The following KCNIP4 variants were observed in gnomAD, a reference collection of about 807,000 sequenced individuals.
KCNIP4 encodes potassium voltage-gated channel interacting protein 4, also known as Kv channel-interacting protein 4.
KCNIP4 carries 12 observed loss-of-function variants against 34.0 expected under a neutral mutation model. That is an observed-to-expected ratio of 0.35 (90% CI 0.23 to 0.57). The LOEUF (loss-of-function observed/expected upper bound fraction) is 0.57, where lower values mean the gene tolerates loss of function less well. KCNIP4 is among the 20% of genes least tolerant of loss of function. The pLI is 0.83. For missense variants in KCNIP4, 238 were observed against 311.7 expected (o/e 0.76, Z 1.78); for synonymous variants, 124 against 102.2 (o/e 1.21, Z -1.29).
At chr4:21,088,419 G>A (rs930737968) in intron 1 of KCNIP4, among the ~76,000 whole-genome samples, 8 of 151,906 alleles carry the variant, frequency 5.3e-5, no homozygotes, top group African/African-American at 1.2e-4. Flanking sequence ...ACAGGGATCC[G>A]TACGTTCATT....
chr4:21,554,480 T>A (rs563490783), intron 1 of KCNIP4, among the ~76,000 whole-genome samples: 25 of 152,184 alleles, frequency 1.6e-4, no homozygotes, highest in Non-Finnish European at 2.4e-4. Context: ...AGTGGTATTA[T>A]AATATCCTCG....
chr4:21,440,947 T>G (rs1169421490), intron 1 of KCNIP4, among the ~76,000 whole-genome samples: 1 of 152,132 alleles, frequency 6.6e-6, no homozygotes, highest in Non-Finnish European at 1.5e-5. Context: ...TTCCAAGACC[T>G]TGAAGGCTGT....
chr4:21,496,703 G>C (rs1732878347), intron 1 of KCNIP4, among the ~76,000 whole-genome samples: 1 of 152,202 alleles, frequency 6.6e-6, no homozygotes, highest in African/African-American at 2.4e-5. Context: ...AGCCAGAGGT[G>C]AGCGACTGGT....
At chr4:20,876,720 G>A (rs575676735) in intron 2 of KCNIP4, among the ~76,000 whole-genome samples, 15 of 152,098 alleles carry the variant, frequency 9.9e-5, no homozygotes, top group African/African-American at 2.4e-4. Context: ...GACTACAGAC[G>A]TGCCACCACG....
At chr4:20,850,372 C>G in intron 3 of KCNIP4, 171 bp downstream of exon 3, 1 of 658,530 alleles carries the variant, frequency 1.5e-6, no homozygotes, top group African/African-American at 1.8e-5. Context: ...GGGTGTGCCA[C>G]AGAGAATCAA....
At chr4:21,762,394 A>C (rs1993037) in intron 1 of KCNIP4, among the ~76,000 whole-genome samples, 74,865 of 151,988 alleles carry the variant, frequency 0.49, 20,361 homozygotes, top group Non-Finnish European at 0.63. Context: ...GAAATGAAAC[A>C]AAGAAGATTA....
intron 1 of KCNIP4, among the ~76,000 whole-genome samples, chr4:21,169,779 C>A (rs996673979): frequency 6.6e-6 from 1 of 151,144 alleles, no homozygotes; most frequent in African/African-American, 2.4e-5. Flanking sequence ...CAGAATGGTT[C>A]GTCCCAATTA....
chr4:21,152,339 G>C (rs13110687), intron 1 of KCNIP4, among the ~76,000 whole-genome samples: 44,194 of 151,902 alleles, frequency 0.29, 6,836 homozygotes, highest in South Asian at 0.38. Flanking sequence ...CTTTTCATTA[G>C]AGCCACTCAT....
intron 1 of KCNIP4, among the ~76,000 whole-genome samples, chr4:20,968,784 G>A (rs1734636907): frequency 6.6e-6 from 1 of 151,010 alleles, no homozygotes. Context: ...TCAAGGGGTG[G>A]GGGGCTGGGG....
chr4:21,903,135 C>T (rs1449817331), intron 1 of KCNIP4, among the ~76,000 whole-genome samples: 6 of 152,128 alleles, frequency 3.9e-5, no homozygotes, highest in African/African-American at 7.2e-5. Context: ...TTCAGTGTCT[C>T]TAATCTCTGA....
At chr4:20,962,807 T>C (rs1343419480) in intron 1 of KCNIP4, among the ~76,000 whole-genome samples, 1 of 152,246 alleles carries the variant, frequency 6.6e-6, no homozygotes, top group African/African-American at 2.4e-5. Flanking sequence ...ATCTCAGCTT[T>C]ACGACATTTA....
At chr4:21,532,063 A>G (rs1271760265) in intron 1 of KCNIP4, among the ~76,000 whole-genome samples, 1 of 152,158 alleles carries the variant, frequency 6.6e-6, no homozygotes, top group South Asian at 2.1e-4. Flanking sequence ...ATATTTTCAG[A>G]AAATCATTTC....
intron 1 of KCNIP4, among the ~76,000 whole-genome samples, chr4:21,130,173 G>A (rs942781061): frequency 6.6e-5 from 10 of 151,322 alleles, no homozygotes; most frequent in African/African-American, 2.4e-4. Context: ...TTGCAGTTTT[G>A]TTAGTCTTGA....
chr4:20,856,966 A>T (rs1560518888), intron 2 of KCNIP4, among the ~76,000 whole-genome samples: 1 of 151,796 alleles, frequency 6.6e-6, no homozygotes, highest in Admixed American at 6.6e-5. Context: ...GCAGATGCAA[A>T]GTCTGAGACA....
intron 3 of KCNIP4, among the ~76,000 whole-genome samples, chr4:20,796,895 CA>C (rs1713550242): frequency 6.6e-6 from 1 of 152,158 alleles, no homozygotes; most frequent in Non-Finnish European, 1.5e-5. Context: ...GCACTCAGTG[CA>C]GATCAAAATT....
At chr4:20,837,503 A>G (rs536252827) in intron 3 of KCNIP4, among the ~76,000 whole-genome samples, 290 of 152,144 alleles carry the variant, frequency 1.9e-3, no homozygotes, top group Non-Finnish European at 3.5e-3. Context: ...AGCAATGTAC[A>G]GTGATGAATG....
At chr4:21,455,982 T>C (rs1468703738) in intron 1 of KCNIP4, among the ~76,000 whole-genome samples, 1 of 145,178 alleles carries the variant, frequency 6.9e-6, no homozygotes, top group Non-Finnish European at 1.5e-5. Flanking sequence ...TCAAATATTT[T>C]AATTCTATAT....
chr4:21,129,334 CA>C (rs1247369292), intron 1 of KCNIP4, among the ~76,000 whole-genome samples: 1 of 152,172 alleles, frequency 6.6e-6, no homozygotes, highest in Non-Finnish European at 1.5e-5. Context: ...AAACAGACAG[CA>C]TCTATGTAGC....
intron 1 of KCNIP4, among the ~76,000 whole-genome samples, chr4:21,005,269 C>T (rs1738459534): frequency 6.6e-6 from 1 of 152,134 alleles, no homozygotes. Context: ...TGGAGTGGCT[C>T]AGTACACAGG....
Sources: gnomAD v4.1 joint callset for allele counts (sites outside exome capture counted in the v4.1 genomes callset) on GRCh38, gnomAD v4.1.1 for gene constraint, MANE v1.5 for transcripts, NCBI Gene and HGNC (gene_info 2026-07-23, HGNC 2026-07-21) for gene names.